The following MUSK variants were observed in gnomAD, a reference collection of about 807,000 sequenced individuals.
The protein encoded by MUSK is muscle, skeletal receptor tyrosine-protein kinase.
In MUSK, 55 loss-of-function variants were observed where a neutral mutation model predicts 88.7. That is an observed-to-expected ratio of 0.62 (90% CI 0.50 to 0.78). The LOEUF (loss-of-function observed/expected upper bound fraction) is 0.78. Among genes scored for constraint, MUSK ranks in the 30% least tolerant of loss-of-function variants. The pLI is 0.00. For synonymous variants in MUSK, 387 were observed against 391.9 expected (o/e 0.99, Z 0.15); for missense variants, 1,015 against 1,074.3 (o/e 0.94, Z 0.77).
chr9:110,738,434 C>T (rs2077055433), intron 6 of MUSK, among the ~76,000 whole-genome samples: 1 of 152,092 alleles, frequency 6.6e-6, no homozygotes, highest in Non-Finnish European at 1.5e-5. Context: ...TCTAAGCCTA[C>T]CTTAAGCAGG....
intron 6 of MUSK, among the ~76,000 whole-genome samples, chr9:110,739,521 CATT>C (rs2077071348): frequency 6.6e-6 from 1 of 152,128 alleles, no homozygotes; most frequent in Admixed American, 6.6e-5. Flanking sequence ...TATTCACTAT[CATT>C]CACATTATTA....
intron 4 of MUSK, among the ~76,000 whole-genome samples, chr9:110,696,094 T>A (rs907909731): frequency 6.6e-6 from 1 of 152,052 alleles, no homozygotes; most frequent in Non-Finnish European, 1.5e-5. Flanking sequence ...CTGGCCAACA[T>A]GGCGAAATCC....
chr9:110,699,939 A>G (rs755542897), intron 5 of MUSK, among the ~76,000 whole-genome samples: 31 of 152,200 alleles, frequency 2.0e-4, no homozygotes, highest in Non-Finnish European at 3.4e-4. Flanking sequence ...ATTGGGTACC[A>G]TGTGTTAACT....
At chr9:110,676,343 C>CATATATTATATATTATATATTAGATATT (rs2076028495) in intron 1 of MUSK, among the ~76,000 whole-genome samples, 2 of 112,760 alleles carry the variant, frequency 1.8e-5, no homozygotes, top group South Asian at 6.5e-4. Flanking sequence ...CATACACACA[C>CATATATTATATATTATATATTAGATATT]ATATATTATA....
At chr9:110,787,322 AC>A (rs2077887203) in intron 13 of MUSK, among the ~76,000 whole-genome samples, 1 of 136,596 alleles carries the variant, frequency 7.3e-6, no homozygotes, top group South Asian at 2.3e-4. Flanking sequence ...AGATCATGCC[AC>A]TGCACTCCAG....
chr9:110,694,960 A>G (rs2076413682), intron 3 of MUSK, among the ~76,000 whole-genome samples: 1 of 152,152 alleles, frequency 6.6e-6, no homozygotes, highest in Non-Finnish European at 1.5e-5. Flanking sequence ...TCAAATTAAG[A>G]TGGAAGCTAA....
chr9:110,753,361 G>A lies in MUSK; in HGVS notation c.913+5561G>A, dbSNP rs538433814. Among the ~76,000 whole-genome samples, 3 of 151,526 alleles carry A rather than the reference G, an allele frequency of 2.0e-5. No individual in the cohort carries two copies. The South Asian group carries it at 6.3e-4, about 32-fold the overall frequency. ...GCATGAGAGTCACTTGCACCTGGGA[G>A]ATGGAGGCTGCAATGAGCTGAAATT... On this transcript the variant is annotated intron_variant, in intron 7 of 14. Coordinates refer to ENST00000374448, the MANE Select transcript of MUSK (RefSeq NM_005592.4).
chr9:110,767,151 T>C (rs907588365), intron 8 of MUSK, among the ~76,000 whole-genome samples: 4 of 152,242 alleles, frequency 2.6e-5, no homozygotes, highest in Non-Finnish European at 4.4e-5. Context: ...ACTGAGGCAC[T>C]GGGTGACCAG....
In MUSK at chr9:110,682,747, G is replaced by T; in HGVS notation, c.153G>T (p.Val51=). ...VEEVATFMCA[V]ESYPQPEISW... is the part of the protein sequence containing the mutation. ...AAGTGGCTACTTTCATGTGTGCAGT[G>T]GAATCCTACCCCCAGCCTGAGATTT... Residue 51 remains valine (V), a synonymous_variant, in exon 2 of 15, where the codon GTG becomes GTT. Coordinates refer to ENST00000374448, the MANE Select transcript of MUSK (RefSeq NM_005592.4). 6.2e-7 allele frequency: 1 copy of T among 1,612,700 alleles called. No individual in the cohort carries two copies. Among genetic ancestry groups the T allele is most frequent in the Non-Finnish European group, 8.5e-7 (1 of 1,179,020 alleles).
Position 110,758,608 on chromosome 9 carries a change from T to C in MUSK, c.914-3594T>C, listed in dbSNP as rs530410482. Among the ~76,000 whole-genome samples the C allele has an allele frequency of 1.6e-4, 24 of 152,256 alleles. No homozygotes were observed. In the South Asian group the frequency reaches 5.0e-3, roughly 32 times the overall value. On this transcript the variant is annotated intron_variant, in intron 7 of 14. Transcript: ENST00000374448. ...GGGAAAGAAGTAAAAGGCATCCAAA[T>C]AGGAAGAGGGGAACTCAAAGTATCC...
At chr9:110,696,457 A>G (rs903219945) in intron 4 of MUSK, among the ~76,000 whole-genome samples, 5 of 152,166 alleles carry the variant, frequency 3.3e-5, no homozygotes, top group African/African-American at 1.2e-4. Context: ...GAGGAATACA[A>G]AGGTGTCACT....
At chr9:110,722,380 A>ATTT (rs1219153992) in intron 5 of MUSK, among the ~76,000 whole-genome samples, 6 of 151,972 alleles carry the variant, frequency 3.9e-5, no homozygotes, top group Non-Finnish European at 8.8e-5. Context: ...AAATACAAAA[A>ATTT]TTAGCTGGGT....
Position 110,685,676 on chromosome 9 carries a change from T to C in MUSK, c.207-1441T>C, listed in dbSNP as rs1375508169. ...TCATTTCCACTCAAGTCCTCACCAG[T>C]AGTGCTTTGAACATACATATTTCTA... On this transcript the variant is annotated intron_variant, in intron 2 of 14. Transcript: ENST00000374448. 2.0e-5 allele frequency among the ~76,000 whole-genome samples: 3 copies of C among 152,232 alleles called. No individual in the cohort carries two copies. The East Asian group carries it at 5.8e-4, about 29-fold the overall frequency.
intron 11 of MUSK, among the ~76,000 whole-genome samples, chr9:110,780,791 G>A (rs117742180): frequency 0.027 from 4,092 of 151,978 alleles, 93 homozygotes; most frequent in Non-Finnish European, 0.042. Flanking sequence ...CCCTTTATCC[G>A]TGATATCTGT....
At chr9:110,681,115 TA>T (rs2076126616) in intron 1 of MUSK, among the ~76,000 whole-genome samples, 1 of 35,568 alleles carries the variant, frequency 2.8e-5, no homozygotes, top group Non-Finnish European at 5.3e-5. Context: ...ATATTATATA[TA>T]ATATATATTA....
At chr9:110,711,755 A>C (rs1231354098) in intron 5 of MUSK, among the ~76,000 whole-genome samples, 1 of 152,194 alleles carries the variant, frequency 6.6e-6, no homozygotes, top group African/African-American at 2.4e-5. Flanking sequence ...GCTAAATCTA[A>C]TAAGGCCATA....
chr9:110,790,619 C>G (rs1429344525), intron 14 of MUSK, among the ~76,000 whole-genome samples: 1 of 152,082 alleles, frequency 6.6e-6, no homozygotes, highest in Non-Finnish European at 1.5e-5. Context: ...TAGCCAGTCT[C>G]TTCTGATTGA....
intron 8 of MUSK, 146 bp from the exon 9 acceptor site, chr9:110,767,674 T>C: frequency 1.2e-6 from 1 of 844,552 alleles, no homozygotes; most frequent in Non-Finnish European, 1.9e-6. Flanking sequence ...GAAGACAATA[T>C]TCAAATGGAG....
intron 9 of MUSK, among the ~76,000 whole-genome samples, chr9:110,769,184 C>T (rs1158240499): frequency 6.6e-6 from 1 of 152,084 alleles, no homozygotes; most frequent in East Asian, 1.9e-4. Context: ...TGACAACAAC[C>T]AACACAGCAC....
Sources: gnomAD v4.1 joint callset for allele counts (sites outside exome capture counted in the v4.1 genomes callset) on GRCh38, gnomAD v4.1.1 for gene constraint, MANE v1.5 for transcripts, NCBI Gene and HGNC (gene_info 2026-07-23, HGNC 2026-07-21) for gene names.